The following SCUBE1 variants were observed in gnomAD, a reference collection of about 807,000 sequenced individuals.
SCUBE1 encodes signal peptide, CUB domain and EGF like domain containing 1.
A neutral mutation model predicts 124.4 loss-of-function variants in SCUBE1; 59 were observed. The ratio of observed to expected loss-of-function variants is 0.47; its 90% CI spans 0.38 to 0.59. The LOEUF is 0.59. SCUBE1 is among the 20% of genes least tolerant of loss of function. The pLI is 0.00. For synonymous variants in SCUBE1, 545 were observed against 550.9 expected (o/e 0.99, Z 0.15); for missense variants, 1,150 against 1,371.2 (o/e 0.84, Z 2.55).
intron 1 of SCUBE1, among the ~76,000 whole-genome samples, chr22:43,341,171 G>A (rs576036513): frequency 6.8e-6 from 1 of 147,506 alleles, no homozygotes; most frequent in Admixed American, 6.7e-5. Context: ...ATCTGCTCAG[G>A]TGGGCGGCCT....
At chr22:43,253,985 C>G (rs1923561148) in intron 6 of SCUBE1, among the ~76,000 whole-genome samples, 1 of 152,222 alleles carries the variant, frequency 6.6e-6, no homozygotes, top group African/African-American at 2.4e-5. Flanking sequence ...TCCAGAAAGT[C>G]CATAGCACTG....
chr22:43,321,021 C>G (rs1203481969), intron 2 of SCUBE1, among the ~76,000 whole-genome samples: 1 of 152,280 alleles, frequency 6.6e-6, no homozygotes, highest in South Asian at 2.1e-4. Context: ...TCATCTCAAC[C>G]GGCAGTCACC....
chr22:43,247,002 C>A (rs1043497277), intron 6 of SCUBE1, among the ~76,000 whole-genome samples: 5 of 152,230 alleles, frequency 3.3e-5, no homozygotes, highest in Non-Finnish European at 7.3e-5. Context: ...GCACCAGGCG[C>A]TGTTAATCCT....
chr22:43,292,076 C>T (rs1925382994), intron 3 of SCUBE1, among the ~76,000 whole-genome samples: 1 of 152,210 alleles, frequency 6.6e-6, no homozygotes, highest in South Asian at 2.1e-4. Context: ...CGAGCCCCGT[C>T]TCTTGACTCA....
chr22:43,248,416 C>T (rs79429386), intron 6 of SCUBE1, among the ~76,000 whole-genome samples: 1,592 of 152,374 alleles, frequency 0.01, 27 homozygotes, highest in African/African-American at 0.036. Context: ...CACTGCGACT[C>T]CACCCACACT....
chr22:43,283,471 G>A (rs2146742370), intron 4 of SCUBE1: 1 of 152,322 alleles, frequency 6.6e-6, no homozygotes, highest in East Asian at 1.9e-4. Context: ...CAGTATTAGG[G>A]TGACCCAATG....
At chr22:43,244,836 C>T (rs1490056288) in intron 6 of SCUBE1, among the ~76,000 whole-genome samples, 1 of 152,274 alleles carries the variant, frequency 6.6e-6, no homozygotes, top group Admixed American at 6.5e-5. Flanking sequence ...CCTTCTTCCT[C>T]CCTGCCCCTC....
At chr22:43,302,761 T>A (rs1006555883) in intron 3 of SCUBE1, among the ~76,000 whole-genome samples, 1 of 152,064 alleles carries the variant, frequency 6.6e-6, no homozygotes, top group African/African-American at 2.4e-5. Flanking sequence ...TTGATGGGGA[T>A]AAGAATGGAG....
chr22:43,332,199 A>G (rs1380127051), intron 2 of SCUBE1, among the ~76,000 whole-genome samples: 2 of 152,092 alleles, frequency 1.3e-5, no homozygotes, highest in African/African-American at 4.8e-5. Context: ...GAGGTATGAG[A>G]ATCCCTTGAA....
At chr22:43,339,399 T>G (rs1461604607) in intron 1 of SCUBE1, among the ~76,000 whole-genome samples, 164 bp from the exon 2 acceptor site, 1 of 152,080 alleles carries the variant, frequency 6.6e-6, no homozygotes, top group Non-Finnish European at 1.5e-5. Flanking sequence ...AAGTGGCAAC[T>G]GGTAGCATCT....
At chr22:43,279,277 G>C (rs879825196) in intron 4 of SCUBE1, among the ~76,000 whole-genome samples, 3 of 152,224 alleles carry the variant, frequency 2.0e-5, no homozygotes, top group Non-Finnish European at 4.4e-5. Flanking sequence ...TTGGAACAGG[G>C]GGCTCAGGCC....
rs1307897384 is a variant in SCUBE1, at chr22:43,280,732, TCCTCCTCGGCCACCCTCCTGTCACCTC to T, written c.484+10287_484+10313del. Among the ~76,000 whole-genome samples, 455 of 51,370 alleles carry T rather than the reference TCCTCCTCGGCCACCCTCCTGTCACCTC, an allele frequency of 8.9e-3. 6 individuals are homozygous for T. The highest frequency in any genetic ancestry group is 0.043 in the Middle Eastern group (3 of 70). 33.7% of individuals were successfully genotyped at this position (51,370 alleles called of 152,430 possible). A position where few individuals can be genotyped will look rare whatever the true frequency, so the allele number is the denominator to read the frequency against. ...CTCCTCGGCCACCCTCCTGTCACCT[TCCTCCTCGGCCACCCTCCTGTCACCTC>T]CCTCATTGGCCACCCTCCTGTCATC... On this transcript the variant is annotated intron_variant, in intron 4 of 21. Coordinates refer to ENST00000360835, the MANE Select transcript of SCUBE1 (RefSeq NM_173050.5).
chr22:43,274,388 T>C (rs901377981), intron 4 of SCUBE1, among the ~76,000 whole-genome samples: 11 of 152,112 alleles, frequency 7.2e-5, no homozygotes, highest in Non-Finnish European at 1.5e-4. Context: ...ATGGGCACTC[T>C]GTATTTTATC....
At chr22:43,312,397 T>C (rs905614483) in intron 3 of SCUBE1, among the ~76,000 whole-genome samples, 1 of 151,534 alleles carries the variant, frequency 6.6e-6, no homozygotes, top group Non-Finnish European at 1.5e-5. Flanking sequence ...TGCTGGGGAG[T>C]AGCAGTCTGT....
chr22:43,255,453 C>T lies in SCUBE1; in HGVS notation c.727+2766G>A. 1 of 1,522,160 alleles carries T rather than the reference C, an allele frequency of 6.6e-7. No homozygotes were observed. The highest frequency in any genetic ancestry group is 8.9e-7 in the Non-Finnish European group (1 of 1,121,238). 94.3% of individuals were successfully genotyped at this position (1,522,160 alleles called of 1,614,324 possible). ...ACATGTGCACACACACACACAAGTGCAAGTACGACAAAGGAAGTGGAAGAA... is the reference window on the plus strand; with the variant it reads ...ACATGTGCACACACACACACAAGTGTAAGTACGACAAAGGAAGTGGAAGAA... On this transcript the variant is annotated intron_variant, in intron 6 of 21. Transcript: ENST00000360835. This position sits in a 1 kb window ranked among gnomAD's most constrained non-coding sequence, Gnocchi z 4.7.
At chr22:43,320,673 C>G (rs781367758) in intron 2 of SCUBE1, among the ~76,000 whole-genome samples, 1 of 152,204 alleles carries the variant, frequency 6.6e-6, no homozygotes, top group Non-Finnish European at 1.5e-5. Flanking sequence ...TGCTTCCACG[C>G]CCAAGTCCTG....
intron 15 of SCUBE1, among the ~76,000 whole-genome samples, chr22:43,215,962 A>T (rs1054066212): frequency 6.6e-6 from 1 of 152,182 alleles, no homozygotes; most frequent in Non-Finnish European, 1.5e-5. Flanking sequence ...AATGTGCACA[A>T]TTGGGGAATT....
At chr22:43,267,897 G>A (rs1319434473) in intron 4 of SCUBE1, among the ~76,000 whole-genome samples, 1 of 152,234 alleles carries the variant, frequency 6.6e-6, no homozygotes, top group African/African-American at 2.4e-5. Flanking sequence ...GGGCTAAGTT[G>A]AGATTTGAAG....
intron 3 of SCUBE1, among the ~76,000 whole-genome samples, chr22:43,316,338 G>C (rs574327270): frequency 7.6e-4 from 116 of 152,314 alleles, no homozygotes; most frequent in Non-Finnish European, 1.3e-3. Flanking sequence ...TTGGCCGCTG[G>C]GTGATATTGC....
Sources: gnomAD v4.1 joint callset for allele counts (sites outside exome capture counted in the v4.1 genomes callset) on GRCh38, gnomAD v4.1.1 for gene constraint, Gnocchi (gnomAD v3.1) non-coding constraint, MANE v1.5 for transcripts, NCBI Gene and HGNC (gene_info 2026-07-23, HGNC 2026-07-21) for gene names.